Variants in CRTAC1 observed in about 807,000 individuals in gnomAD.
CRTAC1 encodes acidic secreted protein in cartilage.
Under a neutral mutation model 67.8 loss-of-function variants are expected in CRTAC1, and 37 were observed. That is an observed-to-expected ratio of 0.55 (90% CI 0.42 to 0.72). CRTAC1 has a LOEUF of 0.72. Ranked by LOEUF, CRTAC1 falls within the 30% of genes least tolerant of loss-of-function variation. The pLI, the probability that CRTAC1 is intolerant of heterozygous loss-of-function variation, is 0.00. For missense variants in CRTAC1, 780 were observed against 931.6 expected, an observed-to-expected ratio of 0.84 and a Z score of 2.12; for synonymous variants, 348 against 371.0, an observed-to-expected ratio of 0.94 and a Z score of 0.71.
intron 11 of CRTAC1, among the ~76,000 whole-genome samples, chr10:97,886,336 A>G (rs1022286481): frequency 6.6e-6 from 1 of 151,812 alleles, no homozygotes; most frequent in African/African-American, 2.4e-5. Flanking sequence ...TATGAGGGCC[A>G]GGACCAGAGC....
chr10:97,892,410 C>A (rs1292422748), intron 11 of CRTAC1, among the ~76,000 whole-genome samples: 1 of 152,196 alleles, frequency 6.6e-6, no homozygotes, highest in African/African-American at 2.4e-5. Flanking sequence ...GGATAAGCAA[C>A]CACCTACGAT....
At chr10:98,012,397 C>A (rs1012706173) in intron 1 of CRTAC1, among the ~76,000 whole-genome samples, 1 of 152,122 alleles carries the variant, frequency 6.6e-6, no homozygotes, top group Non-Finnish European at 1.5e-5. Flanking sequence ...AGAATCAGCA[C>A]TCATGAAATG....
Position 97,996,052 on chromosome 10 carries a change from C to A in CRTAC1, c.224+15086G>T, listed in dbSNP as rs1199628768. On this transcript the variant is annotated intron_variant, in intron 2 of 14. Coordinates refer to ENST00000370597, the MANE Select transcript of CRTAC1 (RefSeq NM_018058.7). ...CATATGTAGAAAGCTGAAACTGGAT[C>A]CCTTCCTTACACCTTATACAAAAAT... 2.0e-5 allele frequency among the ~76,000 whole-genome samples: 3 copies of A among 152,112 alleles called. No homozygotes were observed. In the East Asian group the frequency reaches 5.8e-4, roughly 29 times the overall value.
At chr10:97,917,736 G>T (rs2050779990) in intron 4 of CRTAC1, 80 bp from the exon 5 acceptor site, 1 of 1,187,570 alleles carries the variant, frequency 8.4e-7, no homozygotes, top group Non-Finnish European at 1.1e-6. Flanking sequence ...CCCCAGGTAG[G>T]ACCATAGCTC....
At chr10:97,953,421 C>T (rs1425366430) in intron 2 of CRTAC1, among the ~76,000 whole-genome samples, 3 of 152,060 alleles carry the variant, frequency 2.0e-5, no homozygotes, top group East Asian at 1.9e-4. Context: ...GCAGCCCAGC[C>T]GGAGGTCTCT....
At chr10:97,916,598 C>T (rs1398529694) in intron 5 of CRTAC1, among the ~76,000 whole-genome samples, 3 of 152,192 alleles carry the variant, frequency 2.0e-5, no homozygotes, top group Admixed American at 6.5e-5. Context: ...ACCATCCTTC[C>T]AGCCCCAGGA....
intron 2 of CRTAC1, among the ~76,000 whole-genome samples, chr10:97,945,512 T>C (rs2051250426): frequency 6.6e-6 from 1 of 152,180 alleles, no homozygotes; most frequent in South Asian, 2.1e-4. Flanking sequence ...TGGGAAGACA[T>C]TCAAACAGGA....
chr10:97,896,012 G>A, intron 9 of CRTAC1, 27 bp from the exon 10 acceptor site: 1 of 1,599,866 alleles, frequency 6.3e-7, no homozygotes, highest in Non-Finnish European at 8.6e-7. Context: ...TTTCACCTCT[G>A]GCCGTAATCC....
At chr10:97,994,063 GC>G (rs1174734857) in intron 2 of CRTAC1, among the ~76,000 whole-genome samples, 2 of 152,084 alleles carry the variant, frequency 1.3e-5, no homozygotes, top group Admixed American at 6.6e-5. Context: ...CACCGTGCTG[GC>G]CAGGCTGGTC....
intron 2 of CRTAC1, among the ~76,000 whole-genome samples, chr10:98,005,100 A>ATATATATATTTTTTTTTTTTTT: frequency 2.0e-5 from 1 of 48,926 alleles, no homozygotes; most frequent in African/African-American, 1.2e-4. Flanking sequence ...ATATATATAT[A>ATATATATATTTTTTTTTTTTTT]TTTTTTTTTT....
chr10:97,926,302 T>C (rs1299895078), intron 3 of CRTAC1, among the ~76,000 whole-genome samples: 1 of 152,186 alleles, frequency 6.6e-6, no homozygotes, highest in African/African-American at 2.4e-5. Context: ...ATCTGAGGCT[T>C]GTTAGCTGCG....
At chr10:97,878,657 G>A (rs999484316) in intron 14 of CRTAC1, 1 of 1,303,828 alleles carries the variant, frequency 7.7e-7, no homozygotes, top group African/African-American at 1.5e-5. Context: ...TATTTTCCAA[G>A]GAGATTGCAG....
intron 14 of CRTAC1, chr10:97,871,255 G>A (rs1024663400): frequency 1.3e-5 from 2 of 152,172 alleles, no homozygotes; most frequent in Admixed American, 6.5e-5. Flanking sequence ...GAGCTGCGTC[G>A]GGTTTTGAAT....
intron 7 of CRTAC1, among the ~76,000 whole-genome samples, chr10:97,902,256 T>C (rs570546984): frequency 4.6e-5 from 7 of 152,312 alleles, no homozygotes; most frequent in Admixed American, 2.6e-4. Context: ...GCATGTAAAA[T>C]GCCTGGCACA....
chr10:98,011,060 G>C (rs1427054951), intron 2 of CRTAC1, 78 bp downstream of exon 2: 1 of 1,221,014 alleles, frequency 8.2e-7, no homozygotes, highest in Admixed American at 1.7e-5. Flanking sequence ...CAAGTCACTG[G>C]GGTTTGGAGT....
intron 14 of CRTAC1, chr10:97,866,382 G>C (rs1382733455): frequency 6.6e-5 from 10 of 152,298 alleles, no homozygotes; most frequent in African/African-American, 2.4e-4. Context: ...CCAGGTGCTG[G>C]TTGGGGGGCA....
At chr10:97,941,123 T>C (rs1011949026) in intron 2 of CRTAC1, among the ~76,000 whole-genome samples, 14 of 150,996 alleles carry the variant, frequency 9.3e-5, no homozygotes, top group Non-Finnish European at 3.0e-5. Flanking sequence ...TATGAGGCCA[T>C]ATCTCAGGGT....
At chr10:97,874,633 T>G (rs1227810195) in intron 14 of CRTAC1, among the ~76,000 whole-genome samples, 1 of 152,172 alleles carries the variant, frequency 6.6e-6, no homozygotes, top group Non-Finnish European at 1.5e-5. Flanking sequence ...TGAACGTGGC[T>G]ACTTAATAAT....
chr10:98,006,685 T>A (rs908417857), intron 2 of CRTAC1, among the ~76,000 whole-genome samples: 1 of 152,144 alleles, frequency 6.6e-6, no homozygotes, highest in African/African-American at 2.4e-5. Context: ...CAGTCAGACA[T>A]ACTACAAGGT....
Sources: gnomAD v4.1 joint callset for allele counts (sites outside exome capture counted in the v4.1 genomes callset) on GRCh38, gnomAD v4.1.1 for gene constraint, MANE v1.5 for transcripts, NCBI Gene and HGNC (gene_info 2026-07-23, HGNC 2026-07-21) for gene names.